The following CDADC1 variants were observed in gnomAD, a reference collection of about 807,000 sequenced individuals.
CDADC1 encodes the protein dCTP deaminase.
CDADC1 carries 39 observed loss-of-function variants against 54.9 expected under a neutral mutation model. The observed-to-expected ratio is 0.71, with a 90% CI of 0.55 to 0.93. The LOEUF (loss-of-function observed/expected upper bound fraction) is 0.93, where lower values mean the gene tolerates loss of function less well. CDADC1 is among the 40% of genes least tolerant of loss of function. The pLI, the probability that CDADC1 is intolerant of heterozygous loss-of-function variation, is 0.00. For missense variants in CDADC1, 518 were observed against 618.8 expected (o/e 0.84, Z 1.73); for synonymous variants, 186 against 204.0 (o/e 0.91, Z 0.75).
intron 6 of CDADC1, among the ~76,000 whole-genome samples, chr13:49,275,722 TATATAGAGAGAGAGAGAGAG>T (rs1566370066): frequency 4.7e-4 from 9 of 19,242 alleles, no homozygotes; most frequent in Admixed American, 1.7e-3. Context: ...TATATATATA[TATATAGAGAGAGAGAGAGAG>T]AGAGAGAGAG....
chr13:49,254,561 C>A (rs1167734099), intron 2 of CDADC1, among the ~76,000 whole-genome samples: 2 of 152,038 alleles, frequency 1.3e-5, no homozygotes, highest in Non-Finnish European at 2.9e-5. Flanking sequence ...CACCACCATG[C>A]CCAGCTAATT....
intron 2 of CDADC1, among the ~76,000 whole-genome samples, chr13:49,251,345 T>C (rs1238215140): frequency 1.3e-5 from 2 of 151,182 alleles, no homozygotes; most frequent in Admixed American, 1.3e-4. Context: ...GAGGCAGAGA[T>C]TGCATTGAGC....
chr13:49,275,723 A>G, intron 6 of CDADC1, among the ~76,000 whole-genome samples: 1 of 21,478 alleles, frequency 4.7e-5, no homozygotes, highest in Non-Finnish European at 8.5e-5. Context: ...ATATATATAT[A>G]TATAGAGAGA....
intron 2 of CDADC1, among the ~76,000 whole-genome samples, chr13:49,254,936 T>C (rs1158268367): frequency 1.3e-5 from 2 of 152,236 alleles, no homozygotes; most frequent in East Asian, 3.8e-4. Flanking sequence ...TTTTCCCTCA[T>C]GGATATACCT....
chr13:49,265,932 T>G, intron 4 of CDADC1: 1 of 1,302,634 alleles, frequency 7.7e-7, no homozygotes, highest in Non-Finnish European at 1.0e-6. Context: ...TCACTGCTGG[T>G]TAGGAAATGG....
chr13:49,248,652 A>T (rs565514547), intron 1 of CDADC1, among the ~76,000 whole-genome samples: 104 of 152,300 alleles, frequency 6.8e-4, no homozygotes, highest in African/African-American at 2.4e-3. Context: ...TGAGGGCTGG[A>T]GAAAGAAGGC....
chr13:49,267,096 T>C (rs1485215105), intron 4 of CDADC1, among the ~76,000 whole-genome samples: 1 of 152,116 alleles, frequency 6.6e-6, no homozygotes, highest in Non-Finnish European at 1.5e-5. Context: ...CCGTGTGGTG[T>C]CTGTCACAGC....
chr13:49,274,151 T>C (rs1273697165), intron 5 of CDADC1, 140 bp from the exon 6 acceptor site: 7 of 611,830 alleles, frequency 1.1e-5, no homozygotes, highest in Admixed American at 8.7e-5. Flanking sequence ...AATACTTTTC[T>C]GTAATTAGTG....
intron 2 of CDADC1, among the ~76,000 whole-genome samples, chr13:49,254,300 T>C (rs767349944): frequency 7.2e-5 from 11 of 152,198 alleles, no homozygotes; most frequent in Admixed American, 4.6e-4. Context: ...GATGGTTCTT[T>C]CTTTTCTAGC....
At chr13:49,285,963 G>A (rs1953503644) in intron 8 of CDADC1, among the ~76,000 whole-genome samples, 1 of 151,970 alleles carries the variant, frequency 6.6e-6, no homozygotes, top group African/African-American at 2.4e-5. Context: ...ACAGGCGCGT[G>A]CCACCACGCC....
chr13:49,278,480 G>T lies in CDADC1; in HGVS notation c.1181G>T (p.Arg394Ile). 1 of 1,595,576 alleles carries T rather than the reference G, an allele frequency of 6.3e-7. No individual in the cohort carries two copies. The highest frequency in any genetic ancestry group is 8.6e-7 in the Non-Finnish European group (1 of 1,166,588). ...AAAGACAGAGAAATAAGGAAATTCA[G>T]ATACATCATACATGCGGAACAGAAT... ...KQKDREIRKF[R>I]YIIHAEQNAL... Residue 394 changes from arginine to isoleucine, a missense_variant, in exon 7 of 10, where the codon AGA becomes ATA. Physicochemically the swap from Arg to Ile is moderately conservative, Grantham distance 97. Transcript: ENST00000251108.
Position 49,267,831 on chromosome 13 carries a change from A to G in CDADC1, c.772A>G (p.Ile258Val), listed in dbSNP as rs1221882543. 1.9e-6 allele frequency: 3 copies of G among 1,613,742 alleles called. No individual in the cohort carries two copies. Among genetic ancestry groups the G allele is most frequent in the African/African-American group, 1.3e-5 (1 of 75,056 alleles). ...EEMHKQILMT[I>V]GLENLCENPY... ...AATGCATAAGCAAATACTGATGACT[A>G]TAGGTTTGGAGAACCTGTGTGAAAA... The change falls in exon 5 of 10, where the codon ATA becomes GTA. Residue 258 changes from isoleucine to valine, a missense_variant. By Grantham distance (29) the Ile-to-Val change is conservative. Transcript: ENST00000251108.
chr13:49,254,009 T>C (rs893901585), intron 2 of CDADC1, among the ~76,000 whole-genome samples: 3 of 152,178 alleles, frequency 2.0e-5, no homozygotes, highest in Admixed American at 2.0e-4. Context: ...AATTATTTAA[T>C]CTCTCTCAGC....
At chr13:49,250,980 T>C (rs1487617716) in intron 2 of CDADC1, among the ~76,000 whole-genome samples, 1 of 152,228 alleles carries the variant, frequency 6.6e-6, no homozygotes, top group Non-Finnish European at 1.5e-5. Flanking sequence ...GTTAATAGTT[T>C]AGTATTATTT....
chr13:49,289,120 C>CTTTTTTT (rs66814830), intron 9 of CDADC1, among the ~76,000 whole-genome samples: 1 of 60,990 alleles, frequency 1.6e-5, no homozygotes, highest in African/African-American at 6.5e-5. Flanking sequence ...TTTTTTTTTG[C>CTTTTTTT]TTTTTTTTTT....
At chr13:49,286,075 A>G in intron 8 of CDADC1, 147 bp from the exon 9 acceptor site, 2 of 582,450 alleles carry the variant, frequency 3.4e-6, no homozygotes, top group Non-Finnish European at 6.0e-6. Flanking sequence ...TGGCCTCCCA[A>G]AGTGCTGGGA....
intron 2 of CDADC1, among the ~76,000 whole-genome samples, chr13:49,255,630 A>G (rs1193740304): frequency 6.6e-6 from 1 of 152,208 alleles, no homozygotes; most frequent in African/African-American, 2.4e-5. Flanking sequence ...TGTTTTGGGA[A>G]AGTACATAGG....
At chr13:49,267,435 A>G (rs1354744647) in intron 4 of CDADC1, 55 bp from the exon 5 acceptor site, 2 of 1,411,138 alleles carry the variant, frequency 1.4e-6, no homozygotes, top group Admixed American at 2.0e-5. Flanking sequence ...TTTTATAATG[A>G]AAACCCTAAA....
chr13:49,255,213 G>T (rs1952516149), intron 2 of CDADC1, among the ~76,000 whole-genome samples: 1 of 152,182 alleles, frequency 6.6e-6, no homozygotes, highest in South Asian at 2.1e-4. Context: ...GGTCTTTCAT[G>T]TTGCATCGCT....
Sources: allele counts gnomAD v4.1 joint callset (sites outside exome capture counted in the v4.1 genomes callset), GRCh38; gene constraint gnomAD v4.1.1; transcripts MANE v1.5; gene names NCBI Gene and HGNC (gene_info 2026-07-23, HGNC 2026-07-21).